The following SLC14A2 variants were observed in gnomAD, a reference collection of about 807,000 sequenced individuals.
The protein encoded by SLC14A2 is urea transporter 2.
A neutral mutation model predicts 104.6 loss-of-function variants in SLC14A2; 91 were observed. The observed-to-expected ratio is 0.87, with a 90% CI of 0.73 to 1.04. SLC14A2 has a LOEUF of 1.04. Ranked by LOEUF, SLC14A2 falls within the 50% of genes least tolerant of loss-of-function variation. The probability of loss-of-function intolerance (pLI) is 0.00; values close to 1 mark genes in which losing one functional copy is unlikely to be tolerated. For synonymous variants in SLC14A2, 476 were observed against 466.4 expected, an observed-to-expected ratio of 1.02 and a Z score of -0.27; for missense variants, 1,189 against 1,156.0, an observed-to-expected ratio of 1.03 and a Z score of -0.41.
At chr18:45,453,847 G>GTT (rs56084837) in intron 1 of SLC14A2, among the ~76,000 whole-genome samples, 17 of 91,342 alleles carry the variant, frequency 1.9e-4, no homozygotes, top group African/African-American at 3.0e-4. Flanking sequence ...TTTCTTTTCT[G>GTT]TTTTTTTTTT....
intron 16 of SLC14A2, among the ~76,000 whole-genome samples, chr18:45,670,108 A>G (rs1170466264): frequency 2.0e-5 from 3 of 152,176 alleles, no homozygotes; most frequent in Non-Finnish European, 4.4e-5. Context: ...ATGAGACTCT[A>G]TCTCCAAAAC....
At chr18:45,614,306 G>C (rs2045023877), upstream of SLC14A2, among the ~76,000 whole-genome samples, 1 of 152,256 alleles carries the variant, frequency 6.6e-6, no homozygotes, top group Non-Finnish European at 1.5e-5. Context: ...GCAAAAGTTT[G>C]CTGCAGGGGT....
intron 18 of SLC14A2, among the ~76,000 whole-genome samples, chr18:45,675,710 T>TCTATATATATATATA (rs1555639293): frequency 8.7e-5 from 4 of 46,210 alleles, no homozygotes; most frequent in African/African-American, 2.6e-4. Context: ...TATATATATA[T>TCTATATATATATATA]TTTTTTTTTT....
chr18:45,240,091 C>CTTTTT (rs763802776), intron 1 of SLC14A2, among the ~76,000 whole-genome samples: 109 of 89,650 alleles, frequency 1.2e-3, no homozygotes, highest in African/African-American at 4.3e-3. Flanking sequence ...GCAAATATCT[C>CTTTTT]TTTTTTTTTT....
intron 5 of SLC14A2, among the ~76,000 whole-genome samples, chr18:45,636,182 A>G (rs925475331): frequency 1.3e-5 from 2 of 152,204 alleles, no homozygotes; most frequent in Non-Finnish European, 2.9e-5. Context: ...GCCTTTTTGA[A>G]ATTCATGGTC....
At chr18:45,351,399 A>T (rs1017136367) in intron 1 of SLC14A2, among the ~76,000 whole-genome samples, 9 of 152,038 alleles carry the variant, frequency 5.9e-5, no homozygotes, top group Non-Finnish European at 1.5e-5. Context: ...CTGTTGCTCC[A>T]ACTGGTGTTC....
intron 2 of SLC14A2, among the ~76,000 whole-genome samples, chr18:45,564,351 T>C (rs1237249763): frequency 6.6e-6 from 1 of 152,202 alleles, no homozygotes; most frequent in Non-Finnish European, 1.5e-5. Flanking sequence ...ATGCTTCCAG[T>C]GCTGGGCTCT....
chr18:45,291,625 A>G (rs1452934458), intron 1 of SLC14A2, among the ~76,000 whole-genome samples: 1 of 152,196 alleles, frequency 6.6e-6, no homozygotes, highest in East Asian at 1.9e-4. Flanking sequence ...CAGTAAAGGC[A>G]TCAGTCACTC....
chr18:45,651,747 G>A lies in SLC14A2; in HGVS notation c.1351+7587G>A, dbSNP rs567582465. 6.6e-5 allele frequency among the ~76,000 whole-genome samples: 10 copies of A among 152,250 alleles called. No homozygotes were observed. In the South Asian group the frequency reaches 1.5e-3, roughly 22 times the overall value. On this transcript the variant is annotated intron_variant, in intron 10 of 19. Coordinates refer to ENST00000255226, the MANE Select transcript of SLC14A2 (RefSeq NM_007163.4). Reference sequence around the variant, plus strand: ...CATGGAGGAATAAAGAGGAGTTATCGCCGAGGTGGTAAAAAGGTAAGAACA... The same window carrying A: ...CATGGAGGAATAAAGAGGAGTTATCACCGAGGTGGTAAAAAGGTAAGAACA...
At chr18:45,256,752 GT>G (rs940171042) in intron 1 of SLC14A2, among the ~76,000 whole-genome samples, 2 of 152,194 alleles carry the variant, frequency 1.3e-5, no homozygotes, top group African/African-American at 2.4e-5. Flanking sequence ...ATGGTTTACA[GT>G]TTTTACTTCT....
At position 45,451,514 on chromosome 18, in the gene SLC14A2, G is replaced by A. The variant is rs528044057; in HGVS notation, c.-124-31719G>A. Among the ~76,000 whole-genome samples, 5 of 152,106 alleles carry A rather than the reference G, an allele frequency of 3.3e-5. No homozygotes were observed. The South Asian group carries it at 1.0e-3, about 32-fold the overall frequency. On this transcript the variant is annotated intron_variant, in intron 1 of 20. Transcript: ENST00000586448. ...GAATTTGAAGAATGGGTAGGATTTT[G>A]TTTATTTAAAAGAGGGGAAGAAATT... is the stretch of plus-strand genomic sequence containing the variant.
intron 1 of SLC14A2, among the ~76,000 whole-genome samples, chr18:45,281,445 G>A (rs377023157): frequency 2.0e-5 from 3 of 152,244 alleles, no homozygotes; most frequent in African/African-American, 4.8e-5. Context: ...ACAAAATGTC[G>A]GAGATCATTC....
the SLC14A2 span, among the ~76,000 whole-genome samples, chr18:45,200,469 A>G: frequency 6.6e-6 from 1 of 152,232 alleles, no homozygotes. Context: ...TCTTATGAGC[A>G]TCACCATTTT....
At chr18:45,540,030 G>A (rs1354817774) in intron 2 of SLC14A2, among the ~76,000 whole-genome samples, 1 of 152,136 alleles carries the variant, frequency 6.6e-6, no homozygotes, top group Non-Finnish European at 1.5e-5. Flanking sequence ...TCTGGTATGA[G>A]GATTTCCAAC....
At chr18:45,434,469 TTTGTTGTTG>T (rs148118832) in intron 1 of SLC14A2, among the ~76,000 whole-genome samples, 3 of 151,400 alleles carry the variant, frequency 2.0e-5, no homozygotes, top group African/African-American at 7.3e-5. Context: ...TTTGCAGAGC[TTTGTTGTTG>T]TTGTTGTTGT....
chr18:45,656,556 G>A (rs1568316951), intron 10 of SLC14A2, among the ~76,000 whole-genome samples: 1 of 152,192 alleles, frequency 6.6e-6, no homozygotes, highest in Admixed American at 6.5e-5. Flanking sequence ...TAGGAAGACT[G>A]ATGATACAGA....
intron 1 of SLC14A2, among the ~76,000 whole-genome samples, chr18:45,306,234 G>T (rs959218309): frequency 2.0e-5 from 3 of 152,148 alleles, no homozygotes; most frequent in African/African-American, 7.2e-5. Context: ...GCACAGCTCA[G>T]ATTTTCTGAA....
At position 45,666,160 on chromosome 18, in the gene SLC14A2, G is replaced by A. The variant is rs199687000; in HGVS notation, c.1498G>A (p.Glu500Lys). 15 of 1,613,790 alleles carry A rather than the reference G, an allele frequency of 9.3e-6. No individual in the cohort carries two copies. In the African/African-American group the frequency reaches 1.5e-4, roughly 16 times the overall value. Reference sequence around the variant, plus strand: ...AGTGTTTGGAAAAGGCGAACACCAGGAAAGACAAAACAAAGACCCATTTCC... The same window carrying A: ...AGTGTTTGGAAAAGGCGAACACCAGAAAAGACAAAACAAAGACCCATTTCC... The part of the protein sequence containing the change: ...SKVFGKGEHQ[E>K]RQNKDPFPYR... Residue 500 changes from glutamate (E) to lysine (K), a missense_variant, in exon 12 of 20, where the codon GAA becomes AAA. Coordinates refer to ENST00000255226, the MANE Select transcript of SLC14A2 (RefSeq NM_007163.4).
At chr18:45,339,348 G>T (rs1178762658) in intron 1 of SLC14A2, among the ~76,000 whole-genome samples, 3 of 152,170 alleles carry the variant, frequency 2.0e-5, no homozygotes, top group Non-Finnish European at 4.4e-5. Context: ...ATGAAAACAT[G>T]CTTTCTAACA....
Sources: gnomAD v4.1 joint callset for allele counts (sites outside exome capture counted in the v4.1 genomes callset) on GRCh38, gnomAD v4.1.1 for gene constraint, MANE v1.5 for transcripts, NCBI Gene and HGNC (gene_info 2026-07-23, HGNC 2026-07-21) for gene names.